Variants in KCTD8 observed in about 807,000 individuals in gnomAD.
The protein encoded by KCTD8 is potassium channel tetramerization domain containing 8, also known as BTB/POZ domain-containing protein KCTD8.
In KCTD8, 27 loss-of-function variants were observed where a neutral mutation model predicts 31.5. The observed-to-expected ratio is 0.86, with a 90% CI of 0.63 to 1.18. The LOEUF is 1.18. KCTD8 is among the 50% of genes most tolerant of loss of function. The pLI is 0.00. For missense variants in KCTD8, 658 were observed against 647.7 expected (o/e 1.02, Z -0.17); for synonymous variants, 290 against 280.0 (o/e 1.04, Z -0.36).
At chr4:44,186,961 A>G (rs1032002640) in intron 1 of KCTD8, among the ~76,000 whole-genome samples, 11 of 152,244 alleles carry the variant, frequency 7.2e-5, no homozygotes, top group Non-Finnish European at 1.6e-4. Context: ...TAACCAAAAT[A>G]TATAAACCCA....
chr4:44,406,690 A>G (rs958258451), intron 1 of KCTD8, among the ~76,000 whole-genome samples: 1 of 152,182 alleles, frequency 6.6e-6, no homozygotes, highest in Admixed American at 6.5e-5. Context: ...AAGTGAATCC[A>G]GGAGCATAAA....
intron 1 of KCTD8, among the ~76,000 whole-genome samples, chr4:44,317,679 C>CCTATAT (rs1343370875): frequency 1.3e-5 from 2 of 152,150 alleles, no homozygotes; most frequent in Non-Finnish European, 2.9e-5. Flanking sequence ...TTACTTATAT[C>CCTATAT]CTACAGCTCA....
intron 1 of KCTD8, among the ~76,000 whole-genome samples, chr4:44,443,226 T>C (rs1721857173): frequency 6.6e-6 from 1 of 152,200 alleles, no homozygotes; most frequent in Non-Finnish European, 1.5e-5. Flanking sequence ...AAATAAGTAG[T>C]AACTCGGGAG....
chr4:44,295,507 A>G lies in KCTD8; in HGVS notation c.962-120257T>C, dbSNP rs571539119. 2.1e-5 allele frequency among the ~76,000 whole-genome samples: 3 copies of G among 140,472 alleles called. No homozygotes were observed. The South Asian group carries it at 7.2e-4, about 34-fold the overall frequency. The allele number at this position is 140,472 out of a possible 152,430, so 92.2% of individuals were successfully genotyped here. On this transcript the variant is annotated intron_variant, in intron 1 of 1. Transcript: ENST00000360029. ...GGAAAGGGAGGGAAAGCAAAGAAAA[A>G]AATGTAAAAATTTTAAATATTTAAG...
At chr4:44,398,321 T>C (rs1484825632) in intron 1 of KCTD8, among the ~76,000 whole-genome samples, 1 of 152,216 alleles carries the variant, frequency 6.6e-6, no homozygotes, top group Non-Finnish European at 1.5e-5. Flanking sequence ...ATGTGTCCTC[T>C]TTAACCCTTG....
At chr4:44,405,056 G>A (rs1720754038) in intron 1 of KCTD8, among the ~76,000 whole-genome samples, 1 of 152,054 alleles carries the variant, frequency 6.6e-6, no homozygotes, top group South Asian at 2.1e-4. Flanking sequence ...AATTCATGAG[G>A]TTTCTTAACT....
chr4:44,348,522 A>C (rs1719097481), intron 1 of KCTD8, among the ~76,000 whole-genome samples: 1 of 152,210 alleles, frequency 6.6e-6, no homozygotes, highest in African/African-American at 2.4e-5. Flanking sequence ...TTTTTTGATC[A>C]ATGATATTCA....
At chr4:44,285,790 T>C (rs1381786603) in intron 1 of KCTD8, among the ~76,000 whole-genome samples, 2 of 152,126 alleles carry the variant, frequency 1.3e-5, no homozygotes, top group Non-Finnish European at 2.9e-5. Context: ...GAAATACTTT[T>C]CATAAGATTA....
chr4:44,214,969 A>G (rs1714606440), intron 1 of KCTD8, among the ~76,000 whole-genome samples: 2 of 152,196 alleles, frequency 1.3e-5, no homozygotes, highest in Admixed American at 1.3e-4. Context: ...ATATTTGACA[A>G]ATCAGCTGGC....
rs1714300198 is a variant in KCTD8, at chr4:44,206,183, G to C, written c.962-30933C>G. Among the ~76,000 whole-genome samples the C allele has an allele frequency of 2.0e-5, 3 of 152,100 alleles. No individual in the cohort carries two copies. The South Asian group carries it at 6.2e-4, about 32-fold the overall frequency. On this transcript the variant is annotated intron_variant, in intron 1 of 1. Transcript: ENST00000360029. ...ACAAGAGCCCTGGCTTTAAGTCTCA[G>C]ATTTGCTAACAAGTGGAGTTATCTT...
intron 1 of KCTD8, among the ~76,000 whole-genome samples, chr4:44,233,949 G>T (rs1338238772): frequency 6.6e-6 from 1 of 152,064 alleles, no homozygotes; most frequent in Non-Finnish European, 1.5e-5. Flanking sequence ...TGAAAAAACT[G>T]CTTAGCTCTG....
intron 1 of KCTD8, among the ~76,000 whole-genome samples, chr4:44,422,436 G>T (rs1291504538): frequency 1.3e-5 from 2 of 151,960 alleles, no homozygotes; most frequent in Non-Finnish European, 2.9e-5. Flanking sequence ...TTCCTTGAAG[G>T]GTAGATGTAG....
At chr4:44,265,856 A>G (rs1210761742) in intron 1 of KCTD8, among the ~76,000 whole-genome samples, 2 of 152,360 alleles carry the variant, frequency 1.3e-5, no homozygotes, top group African/African-American at 4.8e-5. Context: ...AAGAATAAAA[A>G]GAAATGAACA....
chr4:44,303,063 T>A (rs962273448), intron 1 of KCTD8, among the ~76,000 whole-genome samples: 5 of 152,202 alleles, frequency 3.3e-5, no homozygotes, highest in African/African-American at 1.2e-4. Flanking sequence ...ATCCCAGGGA[T>A]GAAGCCCACT....
chr4:44,181,615 G>A (rs1366925968), intron 1 of KCTD8, among the ~76,000 whole-genome samples: 3 of 152,136 alleles, frequency 2.0e-5, no homozygotes, highest in Non-Finnish European at 4.4e-5. Context: ...CCTCCCAGCC[G>A]CCTGCCTTGG....
chr4:44,339,042 C>T (rs1718826932), intron 1 of KCTD8, among the ~76,000 whole-genome samples: 1 of 152,122 alleles, frequency 6.6e-6, no homozygotes, highest in East Asian at 1.9e-4. Context: ...CTGAAGGCCA[C>T]ACGTAATATA....
Position 44,221,601 on chromosome 4 carries a change from C to A in KCTD8, c.962-46351G>T, listed in dbSNP as rs115720518. On this transcript the variant is annotated intron_variant, in intron 1 of 1. Transcript: ENST00000360029. ...CAAAACTGCAGCCTTCAGTCTGTGG[C>A]AGAAGGCCCAGAAGTCCCCGGAAAA... Among the ~76,000 whole-genome samples the A allele has an allele frequency of 8.5e-3, 1,287 of 152,236 alleles. 22 individuals are homozygous for A. Among genetic ancestry groups the A allele is most frequent in the African/African-American group, 0.03 (1,242 of 41,526 alleles).
intron 1 of KCTD8, among the ~76,000 whole-genome samples, chr4:44,418,895 C>T (rs73179305): frequency 0.13 from 19,933 of 152,096 alleles, 2,628 homozygotes; most frequent in African/African-American, 0.33. Flanking sequence ...TTTTAATTTA[C>T]GTATATATTA....
chr4:44,373,440 A>AACTC (rs1342096557), intron 1 of KCTD8, among the ~76,000 whole-genome samples: 1 of 151,772 alleles, frequency 6.6e-6, no homozygotes, highest in Non-Finnish European at 1.5e-5. Flanking sequence ...CCAGCTCTGC[A>AACTC]ACTCACTCAC....
Sources: allele counts gnomAD v4.1 joint callset (sites outside exome capture counted in the v4.1 genomes callset), GRCh38; gene constraint gnomAD v4.1.1; transcripts MANE v1.5; gene names NCBI Gene and HGNC (gene_info 2026-07-23, HGNC 2026-07-21).